Variants in ARFGEF3 observed in about 807,000 individuals in gnomAD.
The protein encoded by ARFGEF3 is ARFGEF family member 3, also known as brefeldin A-inhibited guanine nucleotide-exchange protein 3.
Under a neutral mutation model 221.7 loss-of-function variants are expected in ARFGEF3, and 96 were observed. That is an observed-to-expected ratio of 0.43 (90% CI 0.37 to 0.51). ARFGEF3 has a LOEUF of 0.51. Ranked by LOEUF, ARFGEF3 falls within the 20% of genes least tolerant of loss-of-function variation. The pLI is 0.00. For missense variants in ARFGEF3, 2,410 were observed against 2,789.9 expected (o/e 0.86, Z 3.07); for synonymous variants, 1,145 against 1,126.8 (o/e 1.02, Z -0.32).
intron 32 of ARFGEF3, among the ~76,000 whole-genome samples, chr6:138,328,587 AT>A (rs1273951262): frequency 1.3e-5 from 2 of 152,188 alleles, no homozygotes; most frequent in Non-Finnish European, 2.9e-5. Context: ...TTTTGACTTA[AT>A]TACCTCTTAA....
rs1185879138 is a variant in ARFGEF3, at chr6:138,334,419, A to G, written c.5573A>G (p.Glu1858Gly). The change falls in exon 33 of 34, where the codon GAG (glutamate) becomes GGG (glycine). Residue 1858 changes from glutamate to glycine, a missense_variant. Coordinates refer to ENST00000251691, the MANE Select transcript of ARFGEF3 (RefSeq NM_020340.5). The surrounding 1 kb of genome is among the most constrained non-coding windows in gnomAD (Gnocchi z 5.1). ...GATTCTTCCCAGCAGTGTTCATCTG[A>G]GGATGAAGACATCTTTGAGGAAACC... ...STDSSQQCSSEDEDIFEETAQ... is the reference protein window; with the variant it reads ...STDSSQQCSSGDEDIFEETAQ... 1 of 1,612,260 alleles carries G rather than the reference A, an allele frequency of 6.2e-7. No homozygotes were observed. Among genetic ancestry groups the G allele is most frequent in the East Asian group, 2.2e-5 (1 of 44,860 alleles).
At position 138,178,254 on chromosome 6, in the gene ARFGEF3, C is replaced by T. The variant is rs886544509; in HGVS notation, c.137+7541C>T. 3.9e-5 allele frequency among the ~76,000 whole-genome samples: 6 copies of T among 152,116 alleles called. No homozygotes were observed. The East Asian group carries it at 9.6e-4, about 24-fold the overall frequency. ...GAAATATAGCATACTTGTCATGGCT[C>T]CTCTTCCTTCCACATGCCAAAGCCA... On this transcript the variant is annotated intron_variant, in intron 2 of 33. Coordinates refer to ENST00000251691, the MANE Select transcript of ARFGEF3 (RefSeq NM_020340.5).
Position 138,291,874 on chromosome 6 carries a change from C to A in ARFGEF3, c.3189C>A (p.Pro1063=). The change falls in exon 19 of 34, where the codon CCC becomes CCA. Residue 1063 remains proline, a synonymous_variant. Transcript: ENST00000251691. The surrounding 1 kb of genome is among the most constrained non-coding windows in gnomAD (Gnocchi z 4.5). ...ACCCCGAGTGTGAGGGCTCGCCCCCCGAGCACAGCCCGGAGCAGGGGCGCT... is the reference window on the plus strand; with the variant it reads ...ACCCCGAGTGTGAGGGCTCGCCCCCAGAGCACAGCCCGGAGCAGGGGCGCT... The part of the protein sequence containing the change: ...LGDPECEGSP[P]EHSPEQGRSL... 6.7e-7 allele frequency: 1 copy of A among 1,498,902 alleles called. No homozygotes were observed. The highest frequency in any genetic ancestry group is 2.7e-5 in the East Asian group (1 of 37,336). The allele number at this position is 1,498,902 out of a possible 1,614,324, so 92.9% of individuals were successfully genotyped here.
At chr6:138,265,172 G>A (rs949182535) in intron 12 of ARFGEF3, among the ~76,000 whole-genome samples, 1 of 152,046 alleles carries the variant, frequency 6.6e-6, no homozygotes, top group Non-Finnish European at 1.5e-5. Context: ...CAAAGTGCTG[G>A]GATTACAGGC....
intron 31 of ARFGEF3, among the ~76,000 whole-genome samples, chr6:138,326,003 T>C (rs1011253813): frequency 1.1e-4 from 16 of 152,078 alleles, no homozygotes; most frequent in African/African-American, 3.9e-4. Context: ...ATTACAGGTG[T>C]GCACCACCAC....
Position 138,170,670 on chromosome 6 carries a change from G to T in ARFGEF3, c.94G>T (p.Gly32Cys), listed in dbSNP as rs116359974. 6.4e-7 allele frequency: 1 copy of T among 1,567,632 alleles called. No homozygotes were observed. Among genetic ancestry groups the T allele is most frequent in the East Asian group, 2.2e-5 (1 of 44,624 alleles). Reference protein sequence around the residue: ...ESCTWALETLGGLDTIVKIPP... With the variant: ...ESCTWALETLCGLDTIVKIPP... Reference sequence around the variant, plus strand: ...TAATTTTTCTTTTGCAGAAACTCTAGGTGGTCTGGATACCATTGTCAAGAT... The same window carrying T: ...TAATTTTTCTTTTGCAGAAACTCTATGTGGTCTGGATACCATTGTCAAGAT... The change falls in exon 2 of 34, where the codon GGT becomes TGT. Residue 32 changes from glycine (G) to cysteine (C), a missense_variant. Around this residue, in one of 5 missense-constraint regions of ARFGEF3, gnomAD observed 570 missense variants for 586.9 expected, o/e 0.97. Coordinates refer to ENST00000251691, the MANE Select transcript of ARFGEF3 (RefSeq NM_020340.5).
intron 2 of ARFGEF3, among the ~76,000 whole-genome samples, chr6:138,197,164 T>G (rs1368841785): frequency 6.6e-6 from 1 of 152,192 alleles, no homozygotes; most frequent in African/African-American, 2.4e-5. Flanking sequence ...TTTAAACTTT[T>G]TGTTAAGAAC....
At chr6:138,244,546 A>G (rs1562365780) in intron 7 of ARFGEF3, among the ~76,000 whole-genome samples, 1 of 152,218 alleles carries the variant, frequency 6.6e-6, no homozygotes, top group Non-Finnish European at 1.5e-5. Context: ...TCCAGATTTC[A>G]GCCTTTTTCC....
In ARFGEF3 at chr6:138,313,955, G is replaced by A. The variant is rs1438827205; in HGVS notation, c.4345+16G>A. The A allele has an allele frequency of 1.9e-6, 3 of 1,612,264 alleles. No homozygotes were observed. In the African/African-American group the frequency reaches 4.0e-5, roughly 22 times the overall value. On this transcript the variant is annotated intron_variant, in intron 26 of 33. Transcript: ENST00000251691. ...GATGACACCGGTAAGCTAATTGATT[G>A]GACTAAACTAGGTTATTTGCTGTGT... is the stretch of plus-strand genomic sequence containing the variant.
intron 4 of ARFGEF3, among the ~76,000 whole-genome samples, chr6:138,220,638 C>A: frequency 6.6e-6 from 1 of 152,198 alleles, no homozygotes; most frequent in East Asian, 1.9e-4. Context: ...AAAAATAAGT[C>A]TTTTCCACTC....
At chr6:138,297,555 T>C (rs1384705491) in intron 21 of ARFGEF3, among the ~76,000 whole-genome samples, 3 of 152,252 alleles carry the variant, frequency 2.0e-5, no homozygotes, top group African/African-American at 7.2e-5. Context: ...ATAACTATTC[T>C]TAATAGCCCT....
Position 138,210,898 on chromosome 6 carries a change from A to G in ARFGEF3, c.351+857A>G, listed in dbSNP as rs1177350718. Among the ~76,000 whole-genome samples, 3 of 152,208 alleles carry G rather than the reference A, an allele frequency of 2.0e-5. 1 individual carries two copies. Among genetic ancestry groups the G allele is most frequent in the Non-Finnish European group, 2.9e-5 (2 of 68,036 alleles). ...TCCTGGTTTCAGTTTCTCCATTCAG[A>G]AAAGATTGACTGCAGTCATGACATT... On this transcript the variant is annotated intron_variant, in intron 4 of 33. Coordinates refer to ENST00000251691, the MANE Select transcript of ARFGEF3 (RefSeq NM_020340.5).
Position 138,233,628 on chromosome 6 carries a change from C to T in ARFGEF3, c.420+3776C>T, listed in dbSNP as rs190131569. On this transcript the variant is annotated intron_variant, in intron 5 of 33. Coordinates refer to ENST00000251691, the MANE Select transcript of ARFGEF3 (RefSeq NM_020340.5). ...TCCTGACCTCGTGATCCACCCGCCT[C>T]GGCCTCCCAAAGTGCTGGGATTACA... 7.8e-3 allele frequency among the ~76,000 whole-genome samples: 1,181 copies of T among 152,230 alleles called. 10 individuals carry two copies. The highest frequency in any genetic ancestry group is 0.026 in the African/African-American group (1,075 of 41,530).
In ARFGEF3 at chr6:138,313,513, A is replaced by C. The variant is rs191742859; in HGVS notation, c.4201-282A>C. On this transcript the variant is annotated intron_variant, in intron 25 of 33. Transcript: ENST00000251691. ...TCATGGTTCCTTCGGTAGGTTTATA[A>C]AAGTCTATAGAACTCATATGTAATT... Among the ~76,000 whole-genome samples the C allele has an allele frequency of 2.6e-5, 4 of 152,320 alleles. No individual in the cohort carries two copies. The East Asian group carries it at 7.7e-4, about 29-fold the overall frequency.
intron 2 of ARFGEF3, among the ~76,000 whole-genome samples, chr6:138,186,228 A>C (rs1777178842): frequency 6.6e-6 from 1 of 152,212 alleles, no homozygotes; most frequent in South Asian, 2.1e-4. Flanking sequence ...CTCTGGAAAT[A>C]GGCCTTAGTG....
rs1004768264 is a variant in ARFGEF3 at position 138,286,113 on chromosome 6, A to G, written c.2569+60A>G. ...TACACTGCATGTGTTACCAGCAATTACATTGTTATGTGGTGACTTGAATCA... is the reference window on the plus strand; with the variant it reads ...TACACTGCATGTGTTACCAGCAATTGCATTGTTATGTGGTGACTTGAATCA... On this transcript the variant is annotated intron_variant, in intron 15 of 33. Coordinates refer to ENST00000251691, the MANE Select transcript of ARFGEF3 (RefSeq NM_020340.5). 2.9e-5 allele frequency: 29 copies of G among 1,010,606 alleles called. No homozygotes were observed. In the African/African-American group the frequency reaches 3.8e-4, roughly 13 times the overall value. The allele number at this position is 1,010,606 out of a possible 1,614,324, so 62.6% of individuals were successfully genotyped here. A position where few individuals can be genotyped will look rare whatever the true frequency, so the allele number is the denominator to read the frequency against.
chr6:138,250,537 T>A (rs989360777), intron 8 of ARFGEF3, among the ~76,000 whole-genome samples: 6 of 152,246 alleles, frequency 3.9e-5, no homozygotes, highest in African/African-American at 1.4e-4. Context: ...ACTTAATTTC[T>A]TCTCTCCTTT....
At chr6:138,169,784 GC>G (rs1291494072) in intron 1 of ARFGEF3, among the ~76,000 whole-genome samples, 2 of 152,132 alleles carry the variant, frequency 1.3e-5, no homozygotes, top group Admixed American at 1.3e-4. Context: ...TGCCCCACTG[GC>G]CATATCAAGC....
At chr6:138,223,050 T>C (rs1187631050) in intron 4 of ARFGEF3, among the ~76,000 whole-genome samples, 1 of 152,216 alleles carries the variant, frequency 6.6e-6, no homozygotes, top group Non-Finnish European at 1.5e-5. Flanking sequence ...GTCTGCTTTG[T>C]TGTTTGTGCC....
Sources: gnomAD v4.1 joint callset for allele counts (sites outside exome capture counted in the v4.1 genomes callset) on GRCh38, gnomAD v4.1.1 for gene constraint, gnomAD v4.1.1 regional missense constraint, Gnocchi (gnomAD v3.1) non-coding constraint, MANE v1.5 for transcripts, NCBI Gene and HGNC (gene_info 2026-07-23, HGNC 2026-07-21) for gene names.